LSR: variants seen among roughly 807,000 people sequenced by gnomAD.
LSR encodes the protein lipolysis-stimulated lipoprotein receptor.
A neutral mutation model predicts 61.8 loss-of-function variants in LSR; 44 were observed. That is an observed-to-expected ratio of 0.71 (90% CI 0.56 to 0.91). The LOEUF (loss-of-function observed/expected upper bound fraction) is 0.91. LSR is among the 40% of genes least tolerant of loss of function. The pLI is 0.00. For synonymous variants in LSR, 397 were observed against 350.6 expected (o/e 1.13, Z -1.48); for missense variants, 911 against 830.5 (o/e 1.10, Z -1.19).
chr19:35,250,764 G>T, intron 2 of LSR, 105 bp downstream of exon 2: 1 of 776,610 alleles, frequency 1.3e-6, no homozygotes, highest in Admixed American at 3.2e-5. Context: ...TTGAGTGCCA[G>T]TGTCTGAAAG....
intron 5 of LSR, among the ~76,000 whole-genome samples, chr19:35,265,508 G>A (rs2065985525): frequency 1.3e-5 from 2 of 152,198 alleles, no homozygotes; most frequent in Admixed American, 6.5e-5. Context: ...TTAGTCTTCT[G>A]CTTCCAAACC....
intron 5 of LSR, chr19:35,264,338 A>G (rs2065969339): frequency 6.6e-6 from 1 of 152,200 alleles, no homozygotes; most frequent in African/African-American, 2.4e-5. Flanking sequence ...GAGAGGAGTC[A>G]GACATGTGCA....
At position 35,267,701 on chromosome 19, in the gene LSR, C is replaced by T; in HGVS notation, c.1737C>T (p.Asp579=). The change falls in exon 9 of 10, where the codon GAC becomes GAT. Residue 579 remains aspartate (D), a synonymous_variant. Transcript: ENST00000605618. ...CGCCGCCCCCGTACTCGGAGACCGA[C>T]TCGCAGGCGTCCCGAGAGCGCAGGC... ...PPAPPPYSET[D]SQASRERRLK... The T allele has an allele frequency of 2.5e-6, 4 of 1,603,388 alleles. No homozygotes were observed. The highest frequency in any genetic ancestry group is 3.4e-6 in the Non-Finnish European group (4 of 1,175,756).
Position 35,249,063 on chromosome 19 carries a change from C to G in LSR, c.41C>G (p.Ser14Cys). The change falls in exon 1 of 10, where the codon TCC becomes TGC. Residue 14 changes from serine to cysteine, a missense_variant. By Grantham distance (112) the Ser-to-Cys change is moderately radical. Coordinates refer to ENST00000605618, the MANE Select transcript of LSR (RefSeq NM_205834.4). Reference protein sequence around the residue: ...LAGGLSRGLGSHPAAAGRDAV... With the variant: ...LAGGLSRGLGCHPAAAGRDAV... ...GGCGGGCTCTCCAGAGGGCTGGGCT[C>G]CCACCCGGCCGCCGCAGGCCGGGAC... The G allele has an allele frequency of 2.5e-6, 4 of 1,570,116 alleles. No homozygotes were observed. The highest frequency in any genetic ancestry group is 3.5e-6 in the Non-Finnish European group (4 of 1,159,322).
At chr19:35,260,827 AAC>A (rs1313078876) in intron 3 of LSR, among the ~76,000 whole-genome samples, 1 of 151,254 alleles carries the variant, frequency 6.6e-6, no homozygotes, top group Non-Finnish European at 1.5e-5. Flanking sequence ...TGGCTCAAGA[AAC>A]ACAAACACAC....
rs552790405 is a variant in LSR, at chr19:35,259,178, C to T, written c.574+114C>T. 43 of 1,359,000 alleles carry T rather than the reference C, an allele frequency of 3.2e-5. No homozygotes were observed. In the South Asian group the frequency reaches 3.2e-4, roughly 10 times the overall value. 84.2% of individuals were successfully genotyped at this position (1,359,000 alleles called of 1,614,324 possible). ...CCAGCTTACCCTCTGGGCTCTGTCG[C>T]CTGCTCTGCTCTCCCCCAGGCTCTG... On this transcript the variant is annotated intron_variant, in intron 3 of 9. Coordinates refer to ENST00000605618, the MANE Select transcript of LSR (RefSeq NM_205834.4).
Position 35,266,937 on chromosome 19 carries a change from C to G in LSR, c.1114C>G (p.Pro372Ala), listed in dbSNP as rs747372352. The G allele has an allele frequency of 1.2e-6, 2 of 1,613,738 alleles. No homozygotes were observed. Among genetic ancestry groups the G allele is most frequent in the East Asian group, 2.2e-5 (1 of 44,884 alleles). The part of the protein sequence containing the change: ...KELANFDPSR[P>A]GPPSGRVERA... The stretch of plus-strand genomic sequence containing the variant: ...GCTGGCCAACTTCGACCCTTCTCGA[C>G]CTGGCCCCCCCAGTGGCCGTGTGGA... The change falls in exon 8 of 10, where the codon CCT (proline) becomes GCT (alanine). Residue 372 changes from proline (P) to alanine (A), a missense_variant. Coordinates refer to ENST00000605618, the MANE Select transcript of LSR (RefSeq NM_205834.4).
At position 35,250,586 on chromosome 19, in the gene LSR, C is replaced by T. The variant is rs779460931; in HGVS notation, c.381C>T (p.Val127=). ...AGGACAGCGTGCGCACCGTCAGGGTCGTGGCCACCAAGCAGGGCAACGCTG... is the reference window on the plus strand; with the variant it reads ...AGGACAGCGTGCGCACCGTCAGGGTTGTGGCCACCAAGCAGGGCAACGCTG... ...ECQDSVRTVR[V]VATKQGNAVT... is the part of the protein sequence containing the mutation. Residue 127 remains valine, a synonymous_variant, in exon 2 of 10, where the codon GTC becomes GTT. Coordinates refer to ENST00000605618, the MANE Select transcript of LSR (RefSeq NM_205834.4). 38 of 1,611,564 alleles carry T rather than the reference C, an allele frequency of 2.4e-5. No homozygotes were observed. Among genetic ancestry groups the T allele is most frequent in the Admixed American group, 1.7e-4 (10 of 59,890 alleles).
chr19:35,267,342 T>G lies in LSR; in HGVS notation c.1378T>G (p.Ser460Ala). Reference sequence around the variant, plus strand: ...CCTCACCCCGCCGAGCACCGCCGAGTCAGGGAGCAGGTCTCCCACGAGTAA... The same window carrying G: ...CCTCACCCCGCCGAGCACCGCCGAGGCAGGGAGCAGGTCTCCCACGAGTAA... ...DDLTPPSTAE[S>A]GSRSPTSNGG... The change falls in exon 9 of 10, where the codon TCA becomes GCA. Residue 460 changes from serine (S) to alanine (A), a missense_variant. By Grantham distance (99) the Ser-to-Ala change is moderately conservative. Coordinates refer to ENST00000605618, the MANE Select transcript of LSR (RefSeq NM_205834.4). The G allele has an allele frequency of 6.4e-7, 1 of 1,574,232 alleles. No homozygotes were observed. Among genetic ancestry groups the G allele is most frequent in the Non-Finnish European group, 8.6e-7 (1 of 1,160,700 alleles).
chr19:35,265,582 A>C (rs1263807243), intron 5 of LSR, among the ~76,000 whole-genome samples: 2 of 152,172 alleles, frequency 1.3e-5, no homozygotes, highest in Non-Finnish European at 2.9e-5. Flanking sequence ...TTGGGGTCCC[A>C]GGGAGGAAGC....
chr19:35,249,945 G>T (rs749845747), intron 1 of LSR, among the ~76,000 whole-genome samples: 1 of 152,162 alleles, frequency 6.6e-6, no homozygotes, highest in Non-Finnish European at 1.5e-5. Context: ...GGCCTTGGGC[G>T]CTGGGGGCAT....
chr19:35,252,612 G>A (rs923038851), intron 2 of LSR, among the ~76,000 whole-genome samples: 4 of 134,940 alleles, frequency 3.0e-5, no homozygotes, highest in African/African-American at 1.1e-4. Flanking sequence ...TCGCACCACT[G>A]TACTGCAGTC....
rs777328829 is a variant in LSR at position 35,249,071 on chromosome 19, G to A, written c.49G>A (p.Ala17Thr). 1.3e-6 allele frequency: 2 copies of A among 1,562,652 alleles called. No homozygotes were observed. Among genetic ancestry groups the A allele is most frequent in the African/African-American group, 2.7e-5 (2 of 73,540 alleles). The change falls in exon 1 of 10, where the codon GCC becomes ACC. Residue 17 changes from alanine (A) to threonine (T), a missense_variant. Coordinates refer to ENST00000605618, the MANE Select transcript of LSR (RefSeq NM_205834.4). ...GLSRGLGSHP[A>T]AAGRDAVVFV... ...CTCCAGAGGGCTGGGCTCCCACCCG[G>A]CCGCCGCAGGCCGGGACGCGGTCGT...
intron 5 of LSR, among the ~76,000 whole-genome samples, chr19:35,265,028 G>A (rs1025873650): frequency 2.0e-5 from 3 of 152,138 alleles, no homozygotes; most frequent in Non-Finnish European, 2.9e-5. Flanking sequence ...TAGCATTAAG[G>A]AAGTCGCTGG....
intron 5 of LSR, chr19:35,264,847 A>C (rs982130826): frequency 6.6e-6 from 1 of 152,014 alleles, no homozygotes; most frequent in African/African-American, 2.4e-5. Context: ...AACCTATATA[A>C]AATATTCTAC....
chr19:35,252,007 T>G (rs375472685), intron 2 of LSR, among the ~76,000 whole-genome samples: 83 of 150,460 alleles, frequency 5.5e-4, no homozygotes, highest in African/African-American at 2.0e-3. Context: ...GCTAATTTTT[T>G]GTATTTTTAG....
intron 2 of LSR, among the ~76,000 whole-genome samples, chr19:35,252,367 G>A (rs1038336071): frequency 6.6e-6 from 1 of 152,094 alleles, no homozygotes; most frequent in African/African-American, 2.4e-5. Context: ...GAATTTCAAA[G>A]TCTGGGCACG....
chr19:35,259,628 A>C (rs1599599584), intron 3 of LSR, among the ~76,000 whole-genome samples: 2 of 147,292 alleles, frequency 1.4e-5, no homozygotes, highest in African/African-American at 2.5e-5. Context: ...ACAGAGTGAG[A>C]CTCTGTCCAA....
chr19:35,250,730 C>CTCCAGGTCCCG, intron 2 of LSR, 71 bp downstream of exon 2: 2 of 1,211,718 alleles, frequency 1.7e-6, no homozygotes, highest in South Asian at 1.7e-5. Flanking sequence ...TTGTGCGGGA[C>CTCCAGGTCCCG]CTGGAGTCCC....
Sources: allele counts gnomAD v4.1 joint callset (sites outside exome capture counted in the v4.1 genomes callset), GRCh38; gene constraint gnomAD v4.1.1; transcripts MANE v1.5; gene names NCBI Gene and HGNC (gene_info 2026-07-23, HGNC 2026-07-21).